The following DOCK3 variants were observed in gnomAD, a reference collection of about 807,000 sequenced individuals.
DOCK3 encodes dedicator of cytokinesis protein 3.
DOCK3 carries 60 observed loss-of-function variants against 265.6 expected under a neutral mutation model. The ratio of observed to expected loss-of-function variants is 0.23; its 90% CI spans 0.18 to 0.28. DOCK3 has a LOEUF of 0.28. Among genes scored for constraint, DOCK3 ranks in the 10% least tolerant of loss-of-function variants. The pLI is 1.00. For synonymous variants in DOCK3, 881 were observed against 938.0 expected (o/e 0.94, Z 1.11); for missense variants, 1,981 against 2,594.3 (o/e 0.76, Z 5.14).
chr3:51,009,202 G>A (rs577320789), intron 5 of DOCK3, among the ~76,000 whole-genome samples: 4 of 152,104 alleles, frequency 2.6e-5, no homozygotes, highest in Non-Finnish European at 5.9e-5. Flanking sequence ...GTACCCACTC[G>A]TCTTTGTACC....
intron 43 of DOCK3, among the ~76,000 whole-genome samples, 153 bp from the exon 44 acceptor site, chr3:51,356,809 C>CA (rs1189873794): frequency 6.6e-6 from 1 of 152,176 alleles, no homozygotes; most frequent in Non-Finnish European, 1.5e-5. Context: ...GCCTATAAAT[C>CA]AGACAACAGA....
chr3:51,118,094 T>C (rs1355380342), intron 9 of DOCK3, among the ~76,000 whole-genome samples: 1 of 152,226 alleles, frequency 6.6e-6, no homozygotes. Context: ...TGTGGGCATT[T>C]AGTGCTATAA....
intron 4 of DOCK3, 91 bp downstream of exon 4, chr3:50,890,172 C>T: frequency 2.0e-6 from 2 of 1,019,178 alleles, no homozygotes; most frequent in Non-Finnish European, 2.7e-6. Flanking sequence ...ATAAAATATA[C>T]AATTGATATG....
At chr3:51,014,073 G>A (rs890078039) in intron 5 of DOCK3, among the ~76,000 whole-genome samples, 6 of 152,176 alleles carry the variant, frequency 3.9e-5, no homozygotes, top group Non-Finnish European at 8.8e-5. Flanking sequence ...AGTCTGTCAA[G>A]GCTTCCCTTG....
At chr3:51,242,193 C>T (rs2078639468) in intron 21 of DOCK3, among the ~76,000 whole-genome samples, 1 of 152,048 alleles carries the variant, frequency 6.6e-6, no homozygotes, top group Admixed American at 6.6e-5. Context: ...GGGGACAGTG[C>T]TCAGCTCTCA....
chr3:51,252,344 G>T (rs150380176), intron 22 of DOCK3, among the ~76,000 whole-genome samples: 37 of 152,314 alleles, frequency 2.4e-4, no homozygotes, highest in African/African-American at 8.4e-4. Context: ...TGGCAATGCA[G>T]GCTCTTTCTT....
intron 5 of DOCK3, among the ~76,000 whole-genome samples, chr3:51,033,611 T>C (rs1365136377): frequency 2.0e-5 from 3 of 152,226 alleles, no homozygotes; most frequent in South Asian, 4.1e-4. Context: ...TTGACAGACA[T>C]TGAGTGGAAC....
At chr3:51,276,270 G>A (rs561704009) in intron 25 of DOCK3, 1 of 687,596 alleles carries the variant, frequency 1.5e-6, no homozygotes, top group East Asian at 1.4e-4. Flanking sequence ...TTTGATCTTG[G>A]CTCCAGGTAA....
chr3:50,796,134 G>C (rs1056938670), intron 2 of DOCK3, among the ~76,000 whole-genome samples: 1 of 151,078 alleles, frequency 6.6e-6, no homozygotes, highest in Non-Finnish European at 1.5e-5. Context: ...TCCGCCTCCT[G>C]GGTTCACGCC....
intron 2 of DOCK3, among the ~76,000 whole-genome samples, chr3:50,813,646 G>A (rs1205465596): frequency 6.6e-6 from 1 of 152,178 alleles, no homozygotes; most frequent in Non-Finnish European, 1.5e-5. Flanking sequence ...ATGGGGTTAT[G>A]TCTTGATAAA....
intron 4 of DOCK3, among the ~76,000 whole-genome samples, chr3:50,919,707 T>C (rs969272982): frequency 6.6e-6 from 1 of 152,192 alleles, no homozygotes; most frequent in African/African-American, 2.4e-5. Context: ...CAGGGACAAT[T>C]TGACTTCCTC....
intron 9 of DOCK3, among the ~76,000 whole-genome samples, chr3:51,105,839 G>T (rs965656359): frequency 1.3e-5 from 2 of 152,168 alleles, no homozygotes; most frequent in African/African-American, 2.4e-5. Flanking sequence ...AATTCTGCAT[G>T]GGGCTACCAT....
chr3:51,341,521 T>TCC, intron 38 of DOCK3, 136 bp downstream of exon 38: 1 of 1,260,366 alleles, frequency 7.9e-7, no homozygotes, highest in Non-Finnish European at 1.1e-6. Context: ...TCTATGTGCC[T>TCC]AAGATGTGGA....
intron 49 of DOCK3, among the ~76,000 whole-genome samples, chr3:51,364,395 G>C (rs1197827452): frequency 6.6e-6 from 1 of 152,116 alleles, no homozygotes; most frequent in East Asian, 1.9e-4. Flanking sequence ...CTAGCCTTTT[G>C]TCAGATGGGT....
intron 6 of DOCK3, among the ~76,000 whole-genome samples, chr3:51,065,770 C>T (rs918431842): frequency 6.6e-6 from 1 of 152,084 alleles, no homozygotes; most frequent in Non-Finnish European, 1.5e-5. Context: ...GGGAAACTTG[C>T]CAGTCACCTA....
chr3:51,170,276 A>T (rs994730214), intron 12 of DOCK3, among the ~76,000 whole-genome samples: 18 of 151,650 alleles, frequency 1.2e-4, no homozygotes, highest in Admixed American at 2.7e-4. Context: ...GGGTTTGAAA[A>T]TGATCCCTTC....
At chr3:51,280,513 G>A (rs1298464198) in intron 27 of DOCK3, among the ~76,000 whole-genome samples, 2 of 152,146 alleles carry the variant, frequency 1.3e-5, no homozygotes, top group South Asian at 2.1e-4. Flanking sequence ...TCCTTTCTTA[G>A]TAACTTGGCA....
At chr3:50,680,059 G>T (rs542947410) in intron 1 of DOCK3, among the ~76,000 whole-genome samples, 1 of 152,252 alleles carries the variant, frequency 6.6e-6, no homozygotes, top group South Asian at 2.1e-4. Flanking sequence ...CTAAGCCACA[G>T]ATTGTATTAT....
intron 1 of DOCK3, among the ~76,000 whole-genome samples, chr3:50,723,970 G>C (rs2037643608): frequency 6.6e-6 from 1 of 152,008 alleles, no homozygotes. Flanking sequence ...CTAATATCCA[G>C]AATCTACAAA....
Sources: allele counts gnomAD v4.1 joint callset (sites outside exome capture counted in the v4.1 genomes callset), GRCh38; gene constraint gnomAD v4.1.1; transcripts MANE v1.5; gene names NCBI Gene and HGNC (gene_info 2026-07-23, HGNC 2026-07-21).